The following PDGFRA variants were observed in gnomAD, a reference collection of about 807,000 sequenced individuals.
The protein encoded by PDGFRA is platelet derived growth factor receptor alpha.
In PDGFRA, 25 loss-of-function variants were observed where a neutral mutation model predicts 121.5. The observed-to-expected ratio is 0.21, with a 90% CI of 0.15 to 0.29. The LOEUF (loss-of-function observed/expected upper bound fraction) is 0.29, where lower values mean the gene tolerates loss of function less well. Among genes scored for constraint, PDGFRA ranks in the 10% least tolerant of loss-of-function variants. The pLI is 1.00. For synonymous variants in PDGFRA, 463 were observed against 494.8 expected, an observed-to-expected ratio of 0.94 and a Z score of 0.85; for missense variants, 1,008 against 1,345.1, an observed-to-expected ratio of 0.75 and a Z score of 3.92.
Position 54,267,330 on chromosome 4 carries a change from A to G in PDGFRA, c.801A>G (p.Pro267=), listed in dbSNP as rs55966236. Residue 267 remains proline, a synonymous_variant, in exon 6 of 23, where the codon CCA becomes CCG. Transcript: ENST00000257290. The stretch of plus-strand genomic sequence containing the variant: ...CAATGCTGGAAGAAATCAAAGTCCC[A>G]TCCATCAAATTGGTGTACACTTTGA... ...GITMLEEIKV[P]SIKLVYTLTV... The G allele has an allele frequency of 3.6e-4, 588 of 1,614,064 alleles. No individual in the cohort carries two copies. Among genetic ancestry groups the G allele is most frequent in the Non-Finnish European group, 4.3e-4 (503 of 1,180,020 alleles).
chr4:54,247,230 T>G (rs1195486157), intron 1 of PDGFRA, among the ~76,000 whole-genome samples: 12 of 152,194 alleles, frequency 7.9e-5, no homozygotes, highest in Non-Finnish European at 1.5e-4. Context: ...GAGGGCAGCA[T>G]CATCCTGATA....
At chr4:54,241,558 A>G (rs1160032891) in intron 1 of PDGFRA, among the ~76,000 whole-genome samples, 1 of 140,104 alleles carries the variant, frequency 7.1e-6, no homozygotes, top group Non-Finnish European at 1.6e-5. Context: ...TTTATTTATG[A>G]TTTATTTTGA....
Position 54,278,478 on chromosome 4 carries a change from A to G in PDGFRA, c.2119A>G (p.Ile707Val), listed in dbSNP as rs1318827602. The G allele has an allele frequency of 5.0e-6, 8 of 1,613,974 alleles. No individual in the cohort carries two copies. The highest frequency in any genetic ancestry group is 2.2e-5 in the East Asian group (1 of 44,886). ...AGAGAAGCCAAAGAAAGAGCTGGAT[A>G]TCTTTGGATTGAACCCTGCTGATGA... ...HPEKPKKELDIFGLNPADEST... is the reference protein window; with the variant it reads ...HPEKPKKELDVFGLNPADEST... Residue 707 changes from isoleucine to valine, a missense_variant, in exon 15 of 23, where the codon ATC (isoleucine) becomes GTC (valine). Around this residue, in one of 5 missense-constraint regions of PDGFRA, gnomAD observed 128 missense variants for 147.6 expected, o/e 0.87. Transcript: ENST00000257290.
rs1239536760 is a variant in PDGFRA, at chr4:54,285,562, G to A, written c.2439+76G>A. ...GTGTGGACGGAGATGCTAGGAGATA[G>A]ATGTTGGAAAGGCCATTAATAACAG... is the stretch of plus-strand genomic sequence containing the variant. On this transcript the variant is annotated intron_variant, in intron 17 of 22. Transcript: ENST00000257290. The A allele has an allele frequency of 5.0e-6, 4 of 793,376 alleles. No individual in the cohort carries two copies. The African/African-American group carries it at 5.1e-5, about 10-fold the overall frequency. The allele number at this position is 793,376 out of a possible 1,614,324, so 49.1% of individuals were successfully genotyped here. A position where few individuals can be genotyped will look rare whatever the true frequency, so the allele number is the denominator to read the frequency against.
intron 12 of PDGFRA, among the ~76,000 whole-genome samples, chr4:54,275,648 T>C (rs1723679094): frequency 1.3e-5 from 2 of 152,226 alleles, no homozygotes; most frequent in African/African-American, 4.8e-5. Context: ...GAATGCCAAA[T>C]GCAGGTTTTA....
intron 21 of PDGFRA, among the ~76,000 whole-genome samples, chr4:54,289,382 T>C (rs539265848): frequency 1.7e-4 from 26 of 152,170 alleles, no homozygotes; most frequent in Non-Finnish European, 3.4e-4. Context: ...GAAGTTAGTG[T>C]GCAGTTAGAA....
intron 1 of PDGFRA, among the ~76,000 whole-genome samples, chr4:54,237,993 T>A (rs1486892271): frequency 1.3e-5 from 2 of 152,222 alleles, no homozygotes; most frequent in African/African-American, 4.8e-5. Context: ...TTGCAAAACC[T>A]CTCTGAGCCT....
intron 22 of PDGFRA, among the ~76,000 whole-genome samples, chr4:54,292,659 C>T (rs956535512): frequency 6.6e-5 from 10 of 151,726 alleles, no homozygotes; most frequent in African/African-American, 2.2e-4. Context: ...TGCATATGTA[C>T]CCCTGAACTT....
chr4:54,269,717 A>G (rs1014895907), intron 7 of PDGFRA, among the ~76,000 whole-genome samples: 1 of 146,272 alleles, frequency 6.8e-6, no homozygotes, highest in Non-Finnish European at 1.5e-5. Context: ...ATCACGGCTC[A>G]CTGCAACCTC....
At chr4:54,278,633 A>G in intron 15 of PDGFRA, 118 bp downstream of exon 15, 2 of 937,140 alleles carry the variant, frequency 2.1e-6, no homozygotes, top group Non-Finnish European at 3.4e-6. Context: ...AGCAAGACTT[A>G]GAGTCAAACC....
chr4:54,240,532 C>G lies in PDGFRA; in HGVS notation c.-13+11117C>G, dbSNP rs989940872. Reference sequence around the variant, plus strand: ...CCACCCAGGGGAAATCTTGGTTTTGCCTTTTCTTGTTTTCTACTCTAAAGT... The same window carrying G: ...CCACCCAGGGGAAATCTTGGTTTTGGCTTTTCTTGTTTTCTACTCTAAAGT... On this transcript the variant is annotated intron_variant, in intron 1 of 22. Transcript: ENST00000257290. Among the ~76,000 whole-genome samples, 3 of 152,164 alleles carry G rather than the reference C, an allele frequency of 2.0e-5. No homozygotes were observed. In the East Asian group the frequency reaches 5.8e-4, roughly 29 times the overall value.
At chr4:54,245,237 G>C (rs1441660505) in intron 1 of PDGFRA, among the ~76,000 whole-genome samples, 1 of 152,100 alleles carries the variant, frequency 6.6e-6, no homozygotes, top group South Asian at 2.1e-4. Flanking sequence ...GATACTCCTC[G>C]AGAAGAGCAA....
intron 1 of PDGFRA, among the ~76,000 whole-genome samples, chr4:54,241,304 G>A (rs1347193885): frequency 6.6e-6 from 1 of 152,010 alleles, no homozygotes; most frequent in East Asian, 1.9e-4. Flanking sequence ...CGTATTTTTG[G>A]TAAGGAATGT....
chr4:54,242,821 C>T (rs919475417), intron 1 of PDGFRA, among the ~76,000 whole-genome samples: 3 of 152,150 alleles, frequency 2.0e-5, no homozygotes, highest in African/African-American at 7.2e-5. Flanking sequence ...GGAGAAACCT[C>T]TGTTTTCCTC....
Position 54,261,132 on chromosome 4 carries a change from T to C in PDGFRA, c.87T>C (p.Ser29=). ...SLILCQLSLP[S]ILPNENEKVV... ...TCCTCTGCCAGCTTTCATTACCCTC[T>C]ATCCTTCCAAATGAAAATGAAAAGG... is the stretch of plus-strand genomic sequence containing the variant. Residue 29 remains serine, a synonymous_variant, in exon 3 of 23, where the codon TCT becomes TCC. Transcript: ENST00000257290. 6.2e-7 allele frequency: 1 copy of C among 1,614,204 alleles called. No individual in the cohort carries two copies. Among genetic ancestry groups the C allele is most frequent in the Non-Finnish European group, 8.5e-7 (1 of 1,180,018 alleles).
At chr4:54,254,501 T>C (rs2110224225) in intron 1 of PDGFRA, among the ~76,000 whole-genome samples, 1 of 152,336 alleles carries the variant, frequency 6.6e-6, no homozygotes, top group South Asian at 2.1e-4. Context: ...TGGTGGGGTC[T>C]GGCCAGTGAA....
intron 1 of PDGFRA, among the ~76,000 whole-genome samples, chr4:54,238,199 G>A (rs555693670): frequency 5.9e-5 from 9 of 151,944 alleles, no homozygotes; most frequent in African/African-American, 2.2e-4. Context: ...CATTTTCCTG[G>A]TAGCATTCAA....
chr4:54,240,928 A>G (rs1721263888), intron 1 of PDGFRA, among the ~76,000 whole-genome samples: 1 of 152,216 alleles, frequency 6.6e-6, no homozygotes, highest in Non-Finnish European at 1.5e-5. Flanking sequence ...ATGTGTGTGT[A>G]TAAATGTCTA....
At chr4:54,275,415 T>C (rs1225447795) in intron 12 of PDGFRA, among the ~76,000 whole-genome samples, 2 of 152,214 alleles carry the variant, frequency 1.3e-5, no homozygotes, top group Non-Finnish European at 2.9e-5. Flanking sequence ...TATAAAAATA[T>C]AGGTACATTT....
Sources: allele counts gnomAD v4.1 joint callset (sites outside exome capture counted in the v4.1 genomes callset), GRCh38; gene constraint gnomAD v4.1.1; regional missense constraint gnomAD v4.1.1; transcripts MANE v1.5; gene names NCBI Gene and HGNC (gene_info 2026-07-23, HGNC 2026-07-21).